The following DCC variants were observed in gnomAD, a reference collection of about 807,000 sequenced individuals.
DCC encodes the protein DCC netrin 1 receptor, also known as netrin receptor DCC.
A neutral mutation model predicts 172.5 loss-of-function variants in DCC; 58 were observed. That is an observed-to-expected ratio of 0.34 (90% CI 0.27 to 0.42). The LOEUF is 0.42. Among genes scored for constraint, DCC ranks in the 10% least tolerant of loss-of-function variants. The pLI, the probability that DCC is intolerant of heterozygous loss-of-function variation, is 1.00. For synonymous variants in DCC, 709 were observed against 644.5 expected (o/e 1.10, Z -1.52); for missense variants, 1,740 against 1,791.0 (o/e 0.97, Z 0.51).
intron 1 of DCC, among the ~76,000 whole-genome samples, chr18:52,438,640 C>A (rs373721927): frequency 4.6e-5 from 7 of 152,094 alleles, no homozygotes; most frequent in Admixed American, 4.6e-4. Flanking sequence ...CTTTATATAG[C>A]TTGAGACATA....
chr18:53,287,489 C>T (rs959674372), intron 12 of DCC, among the ~76,000 whole-genome samples: 4 of 152,022 alleles, frequency 2.6e-5, no homozygotes, highest in Non-Finnish European at 4.4e-5. Flanking sequence ...TTTCAGTTAC[C>T]TTAGGTATAT....
At chr18:53,094,978 A>T (rs2144194985) in intron 7 of DCC, among the ~76,000 whole-genome samples, 1 of 152,314 alleles carries the variant, frequency 6.6e-6, no homozygotes, top group African/African-American at 2.4e-5. Context: ...CTTATCATTT[A>T]TGATTATGTC....
intron 11 of DCC, among the ~76,000 whole-genome samples, chr18:53,215,294 C>T (rs1049346543): frequency 8.5e-5 from 13 of 152,076 alleles, no homozygotes; most frequent in Middle Eastern, 3.4e-3. Flanking sequence ...TCACTGCCCG[C>T]GTTCTCTTGC....
chr18:52,944,156 C>A (rs985426533), intron 5 of DCC, among the ~76,000 whole-genome samples: 3 of 152,140 alleles, frequency 2.0e-5, no homozygotes, highest in African/African-American at 7.2e-5. Flanking sequence ...CTCAGTCTCA[C>A]TTTACACAAG....
intron 1 of DCC, among the ~76,000 whole-genome samples, chr18:52,435,109 G>T (rs1174905307): frequency 2.0e-5 from 3 of 152,094 alleles, no homozygotes; most frequent in Non-Finnish European, 4.4e-5. Context: ...TCACATTCTG[G>T]CCCAAAGAGG....
Position 53,376,399 on chromosome 18 carries a change from A to T in DCC, c.2360-9644A>T, listed in dbSNP as rs62098045. Among the ~76,000 whole-genome samples, 1,071 of 152,262 alleles carry T rather than the reference A, an allele frequency of 7.0e-3. 4 individuals are homozygous for T. The highest frequency in any genetic ancestry group is 0.011 in the Non-Finnish European group (773 of 68,018). On this transcript the variant is annotated intron_variant, in intron 15 of 28. Coordinates refer to ENST00000442544, the MANE Select transcript of DCC (RefSeq NM_005215.4). ...ACTGTGTCTCAAAAATAAATAAATA[A>T]ATATTTAAAAATAAACAAACAAAAA...
At chr18:52,468,014 A>G (rs2144554160) in intron 1 of DCC, among the ~76,000 whole-genome samples, 1 of 152,176 alleles carries the variant, frequency 6.6e-6, no homozygotes, top group African/African-American at 2.4e-5. Flanking sequence ...GAGCCCTATT[A>G]CTCTGATGGA....
intron 11 of DCC, among the ~76,000 whole-genome samples, chr18:53,212,035 G>A (rs1041052776): frequency 6.6e-6 from 1 of 152,164 alleles, no homozygotes; most frequent in African/African-American, 2.4e-5. Context: ...GCAACAGAGA[G>A]AAATTCTGTC....
chr18:52,610,819 C>T (rs1349082484), intron 1 of DCC, among the ~76,000 whole-genome samples: 1 of 150,968 alleles, frequency 6.6e-6, no homozygotes, highest in Non-Finnish European at 1.5e-5. Context: ...ACAAAATCTT[C>T]TTTTGATTTT....
chr18:53,249,368 A>G (rs1172599726), intron 12 of DCC, among the ~76,000 whole-genome samples: 4 of 151,942 alleles, frequency 2.6e-5, no homozygotes, highest in Non-Finnish European at 5.9e-5. Context: ...GTCTCAGGCT[A>G]AATATTGATG....
chr18:52,756,855 C>T (rs377542627), intron 2 of DCC: 2 of 151,964 alleles, frequency 1.3e-5, no homozygotes, highest in South Asian at 4.2e-4. Flanking sequence ...TCAATGACAG[C>T]CATAGTATAA....
At chr18:53,373,890 A>G (rs1484953047) in intron 15 of DCC, among the ~76,000 whole-genome samples, 1 of 147,762 alleles carries the variant, frequency 6.8e-6, no homozygotes, top group Non-Finnish European at 1.5e-5. Context: ...CAAGTGTGAT[A>G]TATGTATGCA....
chr18:52,563,742 C>T (rs1251683749), intron 1 of DCC, among the ~76,000 whole-genome samples: 1 of 152,150 alleles, frequency 6.6e-6, no homozygotes, highest in East Asian at 1.9e-4. Flanking sequence ...AGAACCCTAT[C>T]TTTAAAGTAG....
intron 1 of DCC, among the ~76,000 whole-genome samples, chr18:52,741,184 C>T: frequency 6.6e-6 from 1 of 152,168 alleles, no homozygotes; most frequent in Admixed American, 6.5e-5. Flanking sequence ...GAGCTACGCT[C>T]ATCTCATCCC....
chr18:52,591,343 A>T (rs772502462), intron 1 of DCC, among the ~76,000 whole-genome samples: 1 of 152,226 alleles, frequency 6.6e-6, no homozygotes, highest in Non-Finnish European at 1.5e-5. Context: ...ACATACAATT[A>T]AAATTAAATT....
chr18:52,938,365 T>C (rs1180712352), intron 5 of DCC, among the ~76,000 whole-genome samples: 1 of 152,148 alleles, frequency 6.6e-6, no homozygotes, highest in Non-Finnish European at 1.5e-5. Flanking sequence ...TGAGAGAAGA[T>C]GAGTGATGTC....
intron 7 of DCC, among the ~76,000 whole-genome samples, chr18:53,135,740 C>G (rs2043731498): frequency 6.6e-6 from 1 of 152,100 alleles, no homozygotes; most frequent in African/African-American, 2.4e-5. Flanking sequence ...TCAATGATGG[C>G]TGAATGGAAT....
chr18:53,260,422 G>T (rs559653534), intron 12 of DCC, among the ~76,000 whole-genome samples: 3 of 152,158 alleles, frequency 2.0e-5, no homozygotes, highest in South Asian at 4.1e-4. Flanking sequence ...CCTTCTAACA[G>T]TCAGGACCCT....
Position 53,450,583 on chromosome 18 carries a change from A to C in DCC, c.3313A>C (p.Thr1105Pro). 6.2e-7 allele frequency: 1 copy of C among 1,610,708 alleles called. No individual in the cohort carries two copies. The highest frequency in any genetic ancestry group is 8.5e-7 in the Non-Finnish European group (1 of 1,178,872). ...NSNLLVIIVV[T>P]VGVITVLVVV... Reference sequence around the variant, plus strand: ...CAACCTGCTTGTGATCATTGTGGTCACCGTTGGTGTCATCACAGTGCTGGT... The same window carrying C: ...CAACCTGCTTGTGATCATTGTGGTCCCCGTTGGTGTCATCACAGTGCTGGT... Residue 1105 changes from threonine to proline, a missense_variant, in exon 23 of 29, where the codon ACC becomes CCC. Transcript: ENST00000442544.
Sources: gnomAD v4.1 joint callset for allele counts (sites outside exome capture counted in the v4.1 genomes callset) on GRCh38, gnomAD v4.1.1 for gene constraint, MANE v1.5 for transcripts, NCBI Gene and HGNC (gene_info 2026-07-23, HGNC 2026-07-21) for gene names.